Variants in RBMS3 observed in about 807,000 individuals in gnomAD.
RBMS3 encodes the protein RNA-binding motif, single-stranded-interacting protein 3.
RBMS3 carries 27 observed loss-of-function variants against 66.8 expected under a neutral mutation model. The ratio of observed to expected loss-of-function variants is 0.40; its 90% CI spans 0.30 to 0.56. The LOEUF is 0.56. Ranked by LOEUF, RBMS3 falls within the 20% of genes least tolerant of loss-of-function variation. The pLI is 0.40. For synonymous variants in RBMS3, 188 were observed against 183.0 expected (o/e 1.03, Z -0.22); for missense variants, 513 against 549.5 (o/e 0.93, Z 0.66).
intron 8 of RBMS3, among the ~76,000 whole-genome samples, chr3:29,890,556 T>C (rs956197997): frequency 2.0e-5 from 3 of 151,586 alleles, no homozygotes; most frequent in African/African-American, 4.8e-5. Flanking sequence ...CTGATTCACT[T>C]GAGGTCAATA....
chr3:29,698,109 C>T, intron 4 of RBMS3: 4 of 719,138 alleles, frequency 5.6e-6, no homozygotes, highest in Non-Finnish European at 6.8e-6. Context: ...ATGTGAGCTC[C>T]CTGAAGGGAC....
chr3:29,644,710 A>G (rs553613719), intron 4 of RBMS3, among the ~76,000 whole-genome samples: 3 of 152,096 alleles, frequency 2.0e-5, no homozygotes, highest in Admixed American at 6.6e-5. Flanking sequence ...TGCAGGCACT[A>G]TATTGTTTGA....
At chr3:29,451,084 G>T (rs961350621) in intron 2 of RBMS3, among the ~76,000 whole-genome samples, 2 of 152,152 alleles carry the variant, frequency 1.3e-5, no homozygotes, top group Non-Finnish European at 2.9e-5. Context: ...CTAACACTTT[G>T]TGTCAACAAA....
chr3:29,333,678 C>T (rs146269916), intron 1 of RBMS3, among the ~76,000 whole-genome samples: 146 of 152,274 alleles, frequency 9.6e-4, no homozygotes, highest in African/African-American at 3.1e-3. Flanking sequence ...ATCCATGTGA[C>T]TAAGTTGAGT....
intron 6 of RBMS3, among the ~76,000 whole-genome samples, chr3:29,770,600 A>G (rs1294102490): frequency 6.6e-6 from 1 of 152,014 alleles, no homozygotes; most frequent in Admixed American, 6.6e-5. Context: ...TATTTCTAAA[A>G]TACTGACTCC....
rs199620711 is a variant in RBMS3, at chr3:29,709,066, G to A, written c.400-30654G>A. ...TGGGGCCTGCTGAAGTCCGATCTGC[G>A]TCACAGCTTGCGTTCTCCCTTCGTT... On this transcript the variant is annotated intron_variant, in intron 4 of 14. Coordinates refer to ENST00000383767, the MANE Select transcript of RBMS3 (RefSeq NM_001003793.3). Among the ~76,000 whole-genome samples the A allele has an allele frequency of 5.9e-5, 9 of 152,144 alleles. No individual in the cohort carries two copies. In the South Asian group the frequency reaches 6.2e-4, roughly 10 times the overall value.
At chr3:29,549,397 AT>A (rs5847580) in intron 3 of RBMS3, among the ~76,000 whole-genome samples, 17,092 of 135,412 alleles carry the variant, frequency 0.13, 1,303 homozygotes, top group African/African-American at 0.24. Context: ...AATTGGATTG[AT>A]TTTTTTTTTT....
At chr3:29,989,618 T>G (rs1415764833) in intron 13 of RBMS3, among the ~76,000 whole-genome samples, 1 of 152,196 alleles carries the variant, frequency 6.6e-6, no homozygotes, top group African/African-American at 2.4e-5. Flanking sequence ...TGACAAATGT[T>G]TGTTCATACC....
chr3:29,686,187 T>G (rs1306474470), intron 4 of RBMS3, among the ~76,000 whole-genome samples: 2 of 152,204 alleles, frequency 1.3e-5, no homozygotes, highest in Admixed American at 6.5e-5. Context: ...AGTTTTCATT[T>G]GCTTCATCTT....
chr3:29,787,454 T>C lies in RBMS3; in HGVS notation c.637+24465T>C, dbSNP rs534315586. 2.0e-5 allele frequency among the ~76,000 whole-genome samples: 3 copies of C among 150,934 alleles called. No individual in the cohort carries two copies. The South Asian group carries it at 6.3e-4, about 32-fold the overall frequency. ...GCCCAAATGCCCACCAATCAATGAGTAGATAAAGAAAATGTGGTATATATA... is the reference window on the plus strand; with the variant it reads ...GCCCAAATGCCCACCAATCAATGAGCAGATAAAGAAAATGTGGTATATATA... On this transcript the variant is annotated intron_variant, in intron 6 of 14. Coordinates refer to ENST00000383767, the MANE Select transcript of RBMS3 (RefSeq NM_001003793.3).
At chr3:29,350,551 C>T (rs1213552022) in intron 1 of RBMS3, among the ~76,000 whole-genome samples, 1 of 152,084 alleles carries the variant, frequency 6.6e-6, no homozygotes, top group Non-Finnish European at 1.5e-5. Flanking sequence ...ATGTATAAGG[C>T]ACTATAGTAG....
At chr3:29,908,243 C>T (rs1282133839) in intron 10 of RBMS3, among the ~76,000 whole-genome samples, 1 of 150,528 alleles carries the variant, frequency 6.6e-6, no homozygotes, top group Non-Finnish European at 1.5e-5. Flanking sequence ...AAAACAAGAC[C>T]TTGTCTCAAA....
intron 4 of RBMS3, among the ~76,000 whole-genome samples, chr3:29,708,116 T>A (rs777624623): frequency 7.2e-5 from 11 of 152,322 alleles, no homozygotes; most frequent in Admixed American, 2.0e-4. Flanking sequence ...CAGCGATATA[T>A]GCTACTTTTG....
intron 6 of RBMS3, among the ~76,000 whole-genome samples, chr3:29,858,384 AAGG>A (rs1342421221): frequency 6.6e-6 from 1 of 152,196 alleles, no homozygotes; most frequent in Non-Finnish European, 1.5e-5. Flanking sequence ...CTCTGGAGCC[AAGG>A]AGGAGGGAGG....
At chr3:29,501,534 G>A (rs900475833) in intron 3 of RBMS3, among the ~76,000 whole-genome samples, 1 of 152,156 alleles carries the variant, frequency 6.6e-6, no homozygotes, top group East Asian at 1.9e-4. Flanking sequence ...TAATTTATCC[G>A]TTTTAGGAGG....
At chr3:29,774,199 T>C (rs1369675136) in intron 6 of RBMS3, among the ~76,000 whole-genome samples, 2 of 151,950 alleles carry the variant, frequency 1.3e-5, no homozygotes, top group Non-Finnish European at 2.9e-5. Context: ...GAATATAAAA[T>C]TCCTCAAATT....
chr3:29,824,901 A>AT (rs139231491), intron 6 of RBMS3, among the ~76,000 whole-genome samples: 3,205 of 152,216 alleles, frequency 0.021, 120 homozygotes, highest in African/African-American at 0.073. Context: ...TATACAGAGC[A>AT]TTTTTTTATC....
At chr3:29,639,544 G>A (rs376066539) in intron 4 of RBMS3, among the ~76,000 whole-genome samples, 1 of 150,560 alleles carries the variant, frequency 6.6e-6, no homozygotes, top group African/African-American at 2.5e-5. Context: ...GTAAAATACT[G>A]TATGGCAAAA....
At chr3:29,456,158 G>C (rs942123776) in intron 2 of RBMS3, among the ~76,000 whole-genome samples, 2 of 152,076 alleles carry the variant, frequency 1.3e-5, no homozygotes, top group African/African-American at 4.8e-5. Flanking sequence ...ATGGAAATAG[G>C]CTTAGTTTCT....
Sources: allele counts gnomAD v4.1 joint callset (sites outside exome capture counted in the v4.1 genomes callset), GRCh38; gene constraint gnomAD v4.1.1; transcripts MANE v1.5; gene names NCBI Gene and HGNC (gene_info 2026-07-23, HGNC 2026-07-21).